ERAP1: variants seen among roughly 807,000 people sequenced by gnomAD.
The protein encoded by ERAP1 is endoplasmic reticulum aminopeptidase 1, also known as adipocyte-derived leucine aminopeptidase.
A neutral mutation model predicts 103.7 loss-of-function variants in ERAP1; 86 were observed. That is an observed-to-expected ratio of 0.83 (90% CI 0.70 to 0.99). The LOEUF is 0.99. ERAP1 is among the 50% of genes least tolerant of loss of function. The pLI, the probability that ERAP1 is intolerant of heterozygous loss-of-function variation, is 0.00. For missense variants in ERAP1, 1,009 were observed against 1,128.4 expected (o/e 0.89, Z 1.52); for synonymous variants, 398 against 402.4 (o/e 0.99, Z 0.13).
the ERAP1 span, chr5:96,909,163 T>C: frequency 5.6e-5 from 88 of 1,579,326 alleles, no homozygotes; most frequent in Admixed American, 1.4e-3. Flanking sequence ...ACACAGTGTC[T>C]GGAGTATCAG....
the ERAP1 span, chr5:96,896,324 T>A: frequency 6.8e-7 from 1 of 1,465,222 alleles, no homozygotes; most frequent in South Asian, 1.2e-5. Flanking sequence ...TCTATTGCTT[T>A]TACAGTGTCA....
downstream of ERAP1, chr5:96,773,501 T>C (rs17402704): frequency 0.09 from 13,782 of 152,374 alleles, 819 homozygotes; most frequent in Middle Eastern, 0.16. Context: ...CAACTGTGTC[T>C]TTAGAGCTAT....
chr5:96,851,220 G>A, the ERAP1 span, among the ~76,000 whole-genome samples: 1 of 152,130 alleles, frequency 6.6e-6, no homozygotes, highest in African/African-American at 2.4e-5. Context: ...GGCTTTGATA[G>A]TTGATTATCT....
chr5:96,803,356 G>A (rs759250080), intron 2 of ERAP1, 47 bp downstream of exon 2: 1 of 1,536,558 alleles, frequency 6.5e-7, no homozygotes, highest in Non-Finnish European at 9.0e-7. Context: ...AATGAATTTA[G>A]CGTGGGCAGC....
At chr5:96,909,919 T>C in the ERAP1 span, 1 of 654,832 alleles carries the variant, frequency 1.5e-6, no homozygotes, top group Non-Finnish European at 2.6e-6. Context: ...ACATTGTAAG[T>C]GCTATGTATG....
chr5:96,763,185 G>C, exon 20 of ERAP1: 1 of 780,718 alleles, frequency 1.3e-6, no homozygotes, highest in Non-Finnish European at 2.4e-6. Context: ...TGTAGTCTGA[G>C]ATTCTGATGG....
At chr5:96,765,282 A>G (rs1769460352) in intron 19 of ERAP1, 1 of 1,597,298 alleles carries the variant, frequency 6.3e-7, no homozygotes, top group Admixed American at 1.7e-5. Flanking sequence ...GGACAAAGGC[A>G]GCCTGACCCA....
At chr5:96,863,282 C>T in the ERAP1 span, among the ~76,000 whole-genome samples, 1 of 152,152 alleles carries the variant, frequency 6.6e-6, no homozygotes, top group African/African-American at 2.4e-5. Flanking sequence ...AGAGCCTCTA[C>T]ACCAGAACCT....
chr5:96,844,102 T>A, the ERAP1 span, among the ~76,000 whole-genome samples: 1 of 152,144 alleles, frequency 6.6e-6, no homozygotes, highest in Non-Finnish European at 1.5e-5. Flanking sequence ...CACCCTTCTT[T>A]CTCCCACTGC....
intron 1 of ERAP1, among the ~76,000 whole-genome samples, chr5:96,805,198 A>G (rs1475212773): frequency 6.6e-6 from 1 of 152,058 alleles, no homozygotes; most frequent in Non-Finnish European, 1.5e-5. Flanking sequence ...TGAGATGTCA[A>G]GTTTCCTAAC....
the ERAP1 span, chr5:96,901,596 G>A: frequency 6.2e-7 from 1 of 1,614,110 alleles, no homozygotes; most frequent in Non-Finnish European, 8.5e-7. Flanking sequence ...GGTTAAACAA[G>A]ACGGGTGTTC....
downstream of ERAP1, chr5:96,771,695 G>A: frequency 6.2e-7 from 1 of 1,604,308 alleles, no homozygotes; most frequent in Non-Finnish European, 8.5e-7. Context: ...TACAAGTTAA[G>A]GTATCTGGTA....
the ERAP1 span, among the ~76,000 whole-genome samples, chr5:96,872,144 A>G: frequency 2.0e-5 from 3 of 152,150 alleles, no homozygotes; most frequent in African/African-American, 7.2e-5. Context: ...CCTTTTGAAA[A>G]ATAAAATGGA....
At chr5:96,880,539 T>C in the ERAP1 span, among the ~76,000 whole-genome samples, 6 of 152,042 alleles carry the variant, frequency 3.9e-5, no homozygotes. Flanking sequence ...AAAGAGATGG[T>C]CAGTGCAGAG....
the ERAP1 span, among the ~76,000 whole-genome samples, chr5:96,845,390 A>G: frequency 6.6e-6 from 1 of 152,100 alleles, no homozygotes; most frequent in Non-Finnish European, 1.5e-5. Flanking sequence ...GCACACCATC[A>G]TGCCCGGCTA....
chr5:96,931,488 G>A, the ERAP1 span, among the ~76,000 whole-genome samples: 4 of 152,212 alleles, frequency 2.6e-5, no homozygotes, highest in African/African-American at 9.6e-5. Flanking sequence ...TAAAAGGCAT[G>A]GTTTAAACAT....
chr5:96,808,187 C>CGTGTGTGTGTGTGTGTGT (rs748632954), upstream of ERAP1: 45 of 770,888 alleles, frequency 5.8e-5, 1 homozygote, highest in Admixed American at 7.9e-4. Context: ...AACGCGGATC[C>CGTGTGTGTGTGTGTGTGT]GTGTGTGTGT....
At chr5:96,907,603 C>G in the ERAP1 span, among the ~76,000 whole-genome samples, 5 of 150,914 alleles carry the variant, frequency 3.3e-5, no homozygotes, top group East Asian at 9.7e-4. Flanking sequence ...GCAGACTAGC[C>G]GGGCCAGGTG....
chr5:96,900,356 T>C, the ERAP1 span: 1 of 1,073,734 alleles, frequency 9.3e-7, no homozygotes, highest in Non-Finnish European at 1.3e-6. Context: ...TTGGGGTATT[T>C]AGGGGGACAA....
Sources: allele counts gnomAD v4.1 joint callset (sites outside exome capture counted in the v4.1 genomes callset), GRCh38; gene constraint gnomAD v4.1.1; transcripts MANE v1.5; gene names NCBI Gene and HGNC (gene_info 2026-07-23, HGNC 2026-07-21).